Variants in KIF17 observed in about 807,000 individuals in gnomAD.
KIF17 encodes the protein kinesin-like protein KIF17.
A neutral mutation model predicts 96.8 loss-of-function variants in KIF17; 80 were observed. The observed-to-expected ratio is 0.83, with a 90% CI of 0.69 to 1.00. The LOEUF (loss-of-function observed/expected upper bound fraction) is 1.00. Ranked by LOEUF, KIF17 falls within the 50% of genes least tolerant of loss-of-function variation. The probability of loss-of-function intolerance (pLI) is 0.00; values close to 1 mark genes in which losing one functional copy is unlikely to be tolerated. For missense variants in KIF17, 1,280 were observed against 1,372.9 expected (o/e 0.93, Z 1.07); for synonymous variants, 567 against 587.5 (o/e 0.97, Z 0.51).
chr1:20,678,359 C>G (rs2053773270), intron 11 of KIF17, among the ~76,000 whole-genome samples: 1 of 152,040 alleles, frequency 6.6e-6, no homozygotes, highest in African/African-American at 2.4e-5. Flanking sequence ...GGGACACAGC[C>G]AAACCATAAC....
At chr1:20,698,932 T>C (rs981009654) in intron 5 of KIF17, among the ~76,000 whole-genome samples, 2 of 152,086 alleles carry the variant, frequency 1.3e-5, no homozygotes, top group African/African-American at 4.8e-5. Flanking sequence ...CAGAAGCAGT[T>C]AGAAGGGTTG....
intron 11 of KIF17, among the ~76,000 whole-genome samples, chr1:20,681,792 C>G (rs74058956): frequency 0.027 from 4,117 of 152,290 alleles, 155 homozygotes; most frequent in African/African-American, 0.091. Context: ...TCATGCCACC[C>G]AGCACTGGTT....
At chr1:20,683,562 C>T (rs972258693) in intron 10 of KIF17, among the ~76,000 whole-genome samples, 5 of 151,798 alleles carry the variant, frequency 3.3e-5, no homozygotes, top group East Asian at 3.9e-4. Context: ...GGCTGAGGCA[C>T]GAGAATTGCT....
At chr1:20,681,605 A>T (rs1344893535) in intron 11 of KIF17, among the ~76,000 whole-genome samples, 4 of 152,170 alleles carry the variant, frequency 2.6e-5, no homozygotes, top group Non-Finnish European at 5.9e-5. Context: ...GAGGATCAGG[A>T]GACCCGGACA....
At chr1:20,706,065 C>G (rs372001580) in intron 4 of KIF17, among the ~76,000 whole-genome samples, 1 of 151,432 alleles carries the variant, frequency 6.6e-6, no homozygotes, top group South Asian at 2.1e-4. Context: ...TACATCACCA[C>G]GCCTGGCTAA....
At chr1:20,711,390 G>A (rs142668220) in intron 3 of KIF17, among the ~76,000 whole-genome samples, 6 of 152,208 alleles carry the variant, frequency 3.9e-5, no homozygotes, top group Non-Finnish European at 7.4e-5. Flanking sequence ...CTCCACCCCC[G>A]ACGCCTGGGG....
chr1:20,698,471 C>A lies in KIF17; in HGVS notation c.1141G>T (p.Val381Leu), dbSNP rs748057322. The A allele has an allele frequency of 1.5e-5, 25 of 1,613,002 alleles. No homozygotes were observed. In the Admixed American group the frequency reaches 4.2e-4, roughly 27 times the overall value. ...TCCACCTGCACAGGGTCTGGGGGCA[C>A]CTGCCTGGACAGCAGGGCTGGGGGA... ...SSLSALLSRQVPPDPVQVEEK... is the reference protein window; with the variant it reads ...SSLSALLSRQLPPDPVQVEEK... The change falls in exon 6 of 15, where the codon GTG (valine) becomes TTG (leucine). Residue 381 changes from valine (V) to leucine (L), a missense_variant. Physicochemically the swap from Val to Leu is conservative, Grantham distance 32. Coordinates refer to ENST00000400463, the MANE Select transcript of KIF17 (RefSeq NM_001122819.3).
chr1:20,670,315 G>A (rs2053617678), intron 13 of KIF17, 106 bp downstream of exon 13: 11 of 1,105,988 alleles, frequency 9.9e-6, no homozygotes, highest in South Asian at 3.8e-5. Flanking sequence ...ATCCTTAGGC[G>A]GGAGGAAAGT....
At chr1:20,679,323 T>TA (rs979150985) in intron 11 of KIF17, among the ~76,000 whole-genome samples, 8 of 151,184 alleles carry the variant, frequency 5.3e-5, no homozygotes, top group Non-Finnish European at 1.2e-4. Context: ...ATAATAATAA[T>TA]AAAAAAATTA....
chr1:20,666,164 C>G (rs762969132), intron 14 of KIF17, 50 bp downstream of exon 14: 1 of 1,351,222 alleles, frequency 7.4e-7, no homozygotes. Context: ...ATCCCCTTCA[C>G]GCCTCTCCCA....
intron 3 of KIF17, among the ~76,000 whole-genome samples, chr1:20,710,174 C>T (rs1242997991): frequency 1.3e-5 from 2 of 152,210 alleles, no homozygotes. Context: ...CACCTAAGTG[C>T]CCCATAGATG....
At position 20,704,574 on chromosome 1, in the gene KIF17, G is replaced by C; in HGVS notation, c.996C>G (p.Ala332=). ...TGCGCGGCTTGTTCCTGATGTTCTT[G>C]GCCCGGTTGGCGTAGCGCAGCGTGC... The part of the protein sequence containing the change: ...TLSTLRYANR[A]KNIRNKPRIN... Residue 332 remains alanine, a synonymous_variant, in exon 5 of 15, where the codon GCC becomes GCG. Coordinates refer to ENST00000400463, the MANE Select transcript of KIF17 (RefSeq NM_001122819.3). The surrounding 1 kb of genome is among the most constrained non-coding windows in gnomAD (Gnocchi z 6.8). The C allele has an allele frequency of 6.2e-7, 1 of 1,614,156 alleles. No homozygotes were observed. The highest frequency in any genetic ancestry group is 8.5e-7 in the Non-Finnish European group (1 of 1,180,034).
chr1:20,682,632 G>T (rs1022414146), intron 11 of KIF17, 21 bp downstream of exon 11: 11 of 1,608,206 alleles, frequency 6.8e-6, no homozygotes, highest in Non-Finnish European at 9.4e-6. Flanking sequence ...CTGGGCATGG[G>T]GGGCTGCATC....
At position 20,690,204 on chromosome 1, in the gene KIF17, G is replaced by A. The variant is rs1236686639; in HGVS notation, c.1365C>T (p.Asn455=). The change falls in exon 7 of 15, where the codon AAC becomes AAT. Residue 455 remains asparagine (N), a synonymous_variant. Transcript: ENST00000400463. ...GGTGCCCACCTGTCTCCTTCCGCAG[G>A]TTCTCCTCCAGCGTGGACAGCCTGA... ...YDVRLSTLEE[N]LRKETEAVLQ... The A allele has an allele frequency of 4.3e-6, 7 of 1,614,148 alleles. No individual in the cohort carries two copies. The African/African-American group carries it at 9.3e-5, about 22-fold the overall frequency.
chr1:20,688,879 C>T (rs1027707069), intron 7 of KIF17, among the ~76,000 whole-genome samples: 1 of 152,338 alleles, frequency 6.6e-6, no homozygotes, highest in Middle Eastern at 3.4e-3. Context: ...CCTCCAGGAG[C>T]GCGTCTCCCT....
intron 11 of KIF17, among the ~76,000 whole-genome samples, chr1:20,675,617 T>C (rs2053725739): frequency 6.6e-6 from 1 of 152,174 alleles, no homozygotes; most frequent in Non-Finnish European, 1.5e-5. Flanking sequence ...TCCCCTCACT[T>C]TGTTCTTTTC....
rs1175862222 is a variant in KIF17 at position 20,699,646 on chromosome 1, C to T, written c.1124-1158G>A. Among the ~76,000 whole-genome samples, 1 of 152,158 alleles carries T rather than the reference C, an allele frequency of 6.6e-6. No homozygotes were observed. The highest frequency in any genetic ancestry group is 1.5e-5 in the Non-Finnish European group (1 of 68,036). On this transcript the variant is annotated intron_variant, in intron 5 of 14. Coordinates refer to ENST00000400463, the MANE Select transcript of KIF17 (RefSeq NM_001122819.3). The surrounding 1 kb of genome is among the most constrained non-coding windows in gnomAD (Gnocchi z 4.3). ...GGAAGCAGCGAGGAGAGGGCGGGCA[C>T]AGGAGGAGCTTGCTAGACAGGAGGC...
Position 20,685,023 on chromosome 1 carries a change from G to A in KIF17, c.2020-3C>T, listed in dbSNP as rs1399412839. The A allele has an allele frequency of 1.3e-6, 2 of 1,582,474 alleles. No individual in the cohort carries two copies. The highest frequency in any genetic ancestry group is 3.6e-5 in the Admixed American group (2 of 55,230). On this transcript the variant is annotated splice_region_variant and splice_polypyrimidine_tract_variant and intron_variant, in intron 9 of 14. Transcript: ENST00000400463. This position sits in a 1 kb window ranked among gnomAD's most constrained non-coding sequence, Gnocchi z 4.1. The stretch of plus-strand genomic sequence containing the variant: ...ACTTCCGAGGCCAGATCTACCTCCT[G>A]AGTGTGAAGAGAAACCCAGGTGGAG...
intron 4 of KIF17, among the ~76,000 whole-genome samples, chr1:20,708,496 A>G (rs1340439112): frequency 4.6e-5 from 7 of 152,236 alleles, no homozygotes; most frequent in Middle Eastern, 3.4e-3. Context: ...GGATCTCTCC[A>G]GAATTATGTT....
Sources: allele counts gnomAD v4.1 joint callset (sites outside exome capture counted in the v4.1 genomes callset), GRCh38; gene constraint gnomAD v4.1.1; non-coding constraint Gnocchi (gnomAD v3.1); transcripts MANE v1.5; gene names NCBI Gene and HGNC (gene_info 2026-07-23, HGNC 2026-07-21).